Variants in IDNK observed in about 807,000 individuals in gnomAD.
The protein encoded by IDNK is IDNK gluconokinase, also known as gluconokinase.
Under a neutral mutation model 13.0 loss-of-function variants are expected in IDNK, and 9 were observed. The observed-to-expected ratio is 0.69, with a 90% CI of 0.42 to 1.21. IDNK has a LOEUF of 1.21. Ranked by LOEUF, IDNK falls within the 50% of genes most tolerant of loss-of-function variation. IDNK has a pLI of 0.00. For synonymous variants in IDNK, 92 were observed against 94.9 expected (o/e 0.97, Z 0.18); for missense variants, 210 against 237.8 (o/e 0.88, Z 0.77).
chr9:83,627,131 TAAATA>T (rs1830875684), intron 1 of IDNK: 1 of 75,890 alleles, frequency 1.3e-5, no homozygotes, highest in African/African-American at 5.4e-5. Flanking sequence ...GTGAAGCAAT[TAAATA>T]AAAACATCAA....
chr9:83,643,402 CTCTT>C lies in IDNK; in HGVS notation c.213-25_213-22del, dbSNP rs1245349811. The C allele has an allele frequency of 9.1e-6, 14 of 1,543,686 alleles. No homozygotes were observed. The Admixed American group carries it at 1.2e-4, about 13-fold the overall frequency. ...TAAATGTCCTCCTTCTTTAGCCTCC[CTCTT>C]TTTTTTTTCTTTTTCTAAACAGAGA... On this transcript the variant is annotated intron_variant, in intron 4 of 4. Transcript: ENST00000376419.
chr9:83,626,771 G>A, intron 1 of IDNK: 1 of 1,179,206 alleles, frequency 8.5e-7, no homozygotes, highest in Non-Finnish European at 1.1e-6. Context: ...CACCAGCCAT[G>A]GAGTTTGGCC....
At chr9:83,642,906 T>G (rs1831351344) in intron 4 of IDNK, among the ~76,000 whole-genome samples, 1 of 152,112 alleles carries the variant, frequency 6.6e-6, no homozygotes, top group African/African-American at 2.4e-5. Flanking sequence ...TCCCGCTTTC[T>G]CCAGCTCTGC....
chr9:83,634,730 G>A (rs1831118524), intron 3 of IDNK, among the ~76,000 whole-genome samples: 1 of 152,218 alleles, frequency 6.6e-6, no homozygotes, highest in Non-Finnish European at 1.5e-5. Flanking sequence ...TGTACAATCT[G>A]AGCAAAATAG....
intron 3 of IDNK, among the ~76,000 whole-genome samples, chr9:83,636,048 T>C (rs1362080623): frequency 1.3e-5 from 2 of 152,228 alleles, no homozygotes; most frequent in Non-Finnish European, 2.9e-5. Context: ...GGTTTTTTTA[T>C]AAAAAGCTGA....
intron 2 of IDNK, 115 bp downstream of exon 2, chr9:83,628,326 C>A (rs979263038): frequency 3.2e-6 from 3 of 928,518 alleles, no homozygotes; most frequent in African/African-American, 3.3e-5. Flanking sequence ...TTGAACCCCA[C>A]TGGAGCAATT....
chr9:83,639,786 G>A (rs891307973), intron 3 of IDNK, among the ~76,000 whole-genome samples: 1 of 152,180 alleles, frequency 6.6e-6, no homozygotes, highest in African/African-American at 2.4e-5. Flanking sequence ...AGCAGCAGAA[G>A]GTCCAGAGAG....
chr9:83,635,187 G>C (rs1328731709), intron 3 of IDNK, among the ~76,000 whole-genome samples: 2 of 152,190 alleles, frequency 1.3e-5, no homozygotes, highest in African/African-American at 2.4e-5. Flanking sequence ...TCAACACACT[G>C]AACATGGATT....
At position 83,628,099 on chromosome 9, in the gene IDNK, C is replaced by T. The variant is rs1031519577; in HGVS notation, c.51-82C>T. On this transcript the variant is annotated intron_variant, in intron 1 of 4. Coordinates refer to ENST00000376419, the MANE Select transcript of IDNK (RefSeq NM_001001551.4). ...TTAAATTCCTGCTAAGGCAGCCATC[C>T]CTTTCCCAGACATCCTTGCACAGAA... 4.5e-6 allele frequency: 7 copies of T among 1,543,096 alleles called. No individual in the cohort carries two copies. In the East Asian group the frequency reaches 7.4e-5, roughly 16 times the overall value.
At chr9:83,625,193 A>G (rs1229052890) in intron 1 of IDNK, among the ~76,000 whole-genome samples, 1 of 152,240 alleles carries the variant, frequency 6.6e-6, no homozygotes, top group Admixed American at 6.5e-5. Flanking sequence ...GTAAGAAGAC[A>G]AGAGAGAAGT....
At chr9:83,635,740 G>A (rs138239383) in intron 3 of IDNK, among the ~76,000 whole-genome samples, 347 of 152,266 alleles carry the variant, frequency 2.3e-3, no homozygotes, top group Non-Finnish European at 3.3e-3. Flanking sequence ...AAAGCACCTC[G>A]CTGTGGTCCT....
At position 83,628,179 on chromosome 9, in the gene IDNK, A is replaced by G; in HGVS notation, c.51-2A>G. On this transcript the variant is annotated splice_acceptor_variant, in intron 1 of 4. Transcript: ENST00000376419. LOFTEE classifies it high-confidence loss of function. ...ACGGGAACATCTGTGTCCTCTCCAC[A>G]GATCCACCGTGGGCGCCCTGCTGGC... The G allele has an allele frequency of 3.2e-6, 5 of 1,550,594 alleles. No individual in the cohort carries two copies. Among genetic ancestry groups the G allele is most frequent in the Non-Finnish European group, 3.5e-6 (4 of 1,146,978 alleles).
At chr9:83,643,144 A>G (rs1446535306) in intron 4 of IDNK, among the ~76,000 whole-genome samples, 1 of 152,208 alleles carries the variant, frequency 6.6e-6, no homozygotes, top group African/African-American at 2.4e-5. Flanking sequence ...GATCTCAAAC[A>G]GTGTTTTCCT....
At chr9:83,630,934 C>T (rs1564146240) in intron 3 of IDNK, among the ~76,000 whole-genome samples, 1 of 152,074 alleles carries the variant, frequency 6.6e-6, no homozygotes, top group Non-Finnish European at 1.5e-5. Context: ...AAACTACAAG[C>T]TAGGCAGACC....
chr9:83,623,035 CG>C (rs148724222), upstream of IDNK: 3,353 of 558,806 alleles, frequency 6.0e-3, 102 homozygotes, highest in African/African-American at 0.058. Flanking sequence ...AAAAGGGGCG[CG>C]GGAAAACGGG....
chr9:83,642,014 A>T (rs1831323257), intron 4 of IDNK, among the ~76,000 whole-genome samples: 4 of 152,318 alleles, frequency 2.6e-5, no homozygotes, highest in African/African-American at 9.6e-5. Flanking sequence ...GTTATTGCCT[A>T]TCTCAGTCAA....
chr9:83,635,506 GC>G (rs1434508587), intron 3 of IDNK, among the ~76,000 whole-genome samples: 1 of 152,216 alleles, frequency 6.6e-6, no homozygotes, highest in African/African-American at 2.4e-5. Flanking sequence ...AATCTACAGT[GC>G]CCTGCTCTGG....
At chr9:83,641,425 C>A in intron 3 of IDNK, 123 bp from the exon 4 acceptor site, 1 of 1,082,934 alleles carries the variant, frequency 9.2e-7, no homozygotes, top group South Asian at 1.4e-5. Context: ...TGGCCCACTC[C>A]TCACACCACT....
At chr9:83,625,266 T>G (rs1830818433) in intron 1 of IDNK, among the ~76,000 whole-genome samples, 8 of 152,148 alleles carry the variant, frequency 5.3e-5, no homozygotes, top group Admixed American at 5.2e-4. Flanking sequence ...CAAACTGATT[T>G]GGGGAAGCAG....
Sources: gnomAD v4.1 joint callset for allele counts (sites outside exome capture counted in the v4.1 genomes callset) on GRCh38, gnomAD v4.1.1 for gene constraint, MANE v1.5 for transcripts, NCBI Gene and HGNC (gene_info 2026-07-23, HGNC 2026-07-21) for gene names.